Variants in DUSP11 observed in about 807,000 individuals in gnomAD.
DUSP11 encodes the protein dual specificity phosphatase 11.
In DUSP11, 27 loss-of-function variants were observed where a neutral mutation model predicts 41.4. The observed-to-expected ratio is 0.65, with a 90% CI of 0.48 to 0.90. The LOEUF (loss-of-function observed/expected upper bound fraction) is 0.90. Among genes scored for constraint, DUSP11 ranks in the 40% least tolerant of loss-of-function variants. The probability of loss-of-function intolerance (pLI) is 0.00; values close to 1 mark genes in which losing one functional copy is unlikely to be tolerated. For missense variants in DUSP11, 465 were observed against 461.1 expected, an observed-to-expected ratio of 1.01 and a Z score of -0.08; for synonymous variants, 188 against 159.3, an observed-to-expected ratio of 1.18 and a Z score of -1.35.
intron 3 of DUSP11, 32 bp downstream of exon 3, chr2:73,774,881 G>T: frequency 1.3e-6 from 2 of 1,489,080 alleles, no homozygotes; most frequent in South Asian, 1.4e-5. Context: ...TCAGAAGGAA[G>T]AAAGTTCTTT....
chr2:73,773,602 T>A (rs374878493), intron 4 of DUSP11, 198 bp downstream of exon 4: 20 of 500,224 alleles, frequency 4.0e-5, no homozygotes, highest in African/African-American at 3.7e-4. Context: ...GCACTAAAAC[T>A]AATTTAACAT....
intron 1 of DUSP11, 34 bp from the exon 2 acceptor site, chr2:73,778,410 T>C (rs781726706): frequency 1.5e-6 from 2 of 1,353,474 alleles, no homozygotes; most frequent in Non-Finnish European, 2.0e-6. Context: ...CCAAATTGTA[T>C]GTTAGCCTTG....
chr2:73,766,510 T>C (rs775991402), exon 8 of DUSP11: 11 of 1,614,148 alleles, frequency 6.8e-6, no homozygotes, highest in Non-Finnish European at 9.3e-6. Flanking sequence ...TAGGTCCTTG[T>C]TTAACAGGCT....
At chr2:73,765,519 AC>A (rs1431614627) in intron 8 of DUSP11, among the ~76,000 whole-genome samples, 1 of 152,042 alleles carries the variant, frequency 6.6e-6, no homozygotes, top group African/African-American at 2.4e-5. Context: ...ATAAGCTGAT[AC>A]CCCGAATAAA....
rs1340233712 is a variant in DUSP11, at chr2:73,774,981, GGATTTTGTTAAAAA to G, written c.368_381del (p.Leu123ProfsTer5). 2 of 1,611,750 alleles carry G rather than the reference GGATTTTGTTAAAAA, an allele frequency of 1.2e-6. No homozygotes were observed. The highest frequency in any genetic ancestry group is 1.7e-6 in the Non-Finnish European group (2 of 1,178,498). On this transcript the variant is annotated frameshift_variant, in exon 3 of 9. Coordinates refer to ENST00000272444, the Ensembl canonical transcript of DUSP11. LOFTEE classifies it high-confidence loss of function. ...AGTCCAAGTTCTTCATTTTGTTCTC[GGATTTTGTTAAAAA>G]GATCCAAAGGGGAAAAGCATTCTTC...
chr2:73,764,331 T>C (rs1672417497), intron 8 of DUSP11, among the ~76,000 whole-genome samples: 1 of 152,190 alleles, frequency 6.6e-6, no homozygotes, highest in Non-Finnish European at 1.5e-5. Flanking sequence ...GATTCCAGCA[T>C]GTTGCCCAGG....
intron 4 of DUSP11, among the ~76,000 whole-genome samples, chr2:73,771,695 G>T (rs905110096): frequency 4.7e-5 from 7 of 149,704 alleles, no homozygotes; most frequent in Non-Finnish European, 1.0e-4. Flanking sequence ...GTAGAGATGG[G>T]GTTTCACCAT....
intron 8 of DUSP11, among the ~76,000 whole-genome samples, chr2:73,764,478 T>TTA (rs1316856195): frequency 6.6e-6 from 1 of 152,160 alleles, no homozygotes; most frequent in Non-Finnish European, 1.5e-5. Context: ...GCTAAACTGT[T>TTA]TAAATTCATG....
At chr2:73,764,567 T>C (rs1672421511) in intron 8 of DUSP11, among the ~76,000 whole-genome samples, 1 of 152,226 alleles carries the variant, frequency 6.6e-6, no homozygotes, top group Admixed American at 6.5e-5. Flanking sequence ...GAAATGTAGA[T>C]AGGCTAAGTA....
intron 7 of DUSP11, 114 bp downstream of exon 7, chr2:73,766,714 C>T: frequency 7.4e-7 from 1 of 1,353,378 alleles, no homozygotes; most frequent in Non-Finnish European, 1.0e-6. Context: ...TATTTGTTTA[C>T]ATCTCCCCCC....
At chr2:73,767,126 TA>T in intron 6 of DUSP11, 34 bp downstream of exon 6, 2 of 1,579,670 alleles carry the variant, frequency 1.3e-6, no homozygotes, top group Non-Finnish European at 1.7e-6. Flanking sequence ...TTAACTTTAA[TA>T]AAAGGGAAAA....
exon 9 of DUSP11, chr2:73,762,756 G>A (rs759908477): frequency 6.2e-6 from 10 of 1,613,694 alleles, no homozygotes; most frequent in Non-Finnish European, 8.5e-6. Context: ...CTGGCATTGG[G>A]CTTCACATTC....
intron 1 of DUSP11, 39 bp downstream of exon 1, chr2:73,779,835 G>A (rs1325871374): frequency 6.2e-7 from 1 of 1,609,390 alleles, no homozygotes; most frequent in Non-Finnish European, 8.5e-7. Flanking sequence ...CAGAAGCCAC[G>A]AGCTGGAAAG....
At chr2:73,763,880 T>C (rs529936715) in intron 8 of DUSP11, among the ~76,000 whole-genome samples, 1 of 152,350 alleles carries the variant, frequency 6.6e-6, no homozygotes, top group South Asian at 2.1e-4. Context: ...CCTATTAGTT[T>C]CACTTATCAT....
At chr2:73,763,733 A>G (rs1416859126) in intron 8 of DUSP11, among the ~76,000 whole-genome samples, 1 of 152,124 alleles carries the variant, frequency 6.6e-6, no homozygotes, top group Non-Finnish European at 1.5e-5. Flanking sequence ...TACAAAAAAA[A>G]ATAAAGAAAC....
rs146297318 is a variant in DUSP11, at chr2:73,777,993, G to A, written c.318+308C>T. Reference sequence around the variant, plus strand: ...CATTTGTAATTCTTGAATTCATGGCGCAGGCAACTATTACTCTATGTCTTT... The same window carrying A: ...CATTTGTAATTCTTGAATTCATGGCACAGGCAACTATTACTCTATGTCTTT... On this transcript the variant is annotated intron_variant, in intron 2 of 8. Transcript: ENST00000272444. Among the ~76,000 whole-genome samples, 616 of 151,980 alleles carry A rather than the reference G, an allele frequency of 4.1e-3. 4 individuals are homozygous for A. Among genetic ancestry groups the A allele is most frequent in the African/African-American group, 0.014 (587 of 41,454 alleles).
intron 8 of DUSP11, among the ~76,000 whole-genome samples, chr2:73,763,302 G>A (rs866097085): frequency 3.3e-5 from 5 of 152,100 alleles, no homozygotes; most frequent in African/African-American, 1.2e-4. Flanking sequence ...CTTTATAAAC[G>A]AACATACATA....
At chr2:73,780,042 C>G in exon 1 of DUSP11, 1 of 1,613,224 alleles carries the variant, frequency 6.2e-7, no homozygotes, top group Non-Finnish European at 8.5e-7. Context: ...GCCCTCAATG[C>G]CAGGATAAGA....
chr2:73,771,247 T>C (rs796250770), intron 4 of DUSP11, among the ~76,000 whole-genome samples: 25 of 152,370 alleles, frequency 1.6e-4, no homozygotes, highest in African/African-American at 5.8e-4. Flanking sequence ...TAATTATTTG[T>C]TGCAAATGAA....
Sources: gnomAD v4.1 joint callset for allele counts (sites outside exome capture counted in the v4.1 genomes callset) on GRCh38, gnomAD v4.1.1 for gene constraint, MANE v1.5 for transcripts, NCBI Gene and HGNC (gene_info 2026-07-23, HGNC 2026-07-21) for gene names.